Variants in SLC4A8 observed in about 807,000 individuals in gnomAD.
SLC4A8 encodes the protein solute carrier family 4 member 8.
SLC4A8 carries 40 observed loss-of-function variants against 125.0 expected under a neutral mutation model. The observed-to-expected ratio is 0.32, with a 90% CI of 0.25 to 0.42. The LOEUF (loss-of-function observed/expected upper bound fraction) is 0.42. Among genes scored for constraint, SLC4A8 ranks in the 10% least tolerant of loss-of-function variants. The pLI is 1.00. For missense variants in SLC4A8, 863 were observed against 1,355.1 expected (o/e 0.64, Z 5.70); for synonymous variants, 456 against 476.0 (o/e 0.96, Z 0.55).
intron 14 of SLC4A8, 119 bp downstream of exon 14, chr12:51,471,651 A>G (rs377085272): frequency 1.9e-5 from 21 of 1,133,494 alleles, no homozygotes; most frequent in East Asian, 1.7e-4. Flanking sequence ...CCCTTTAGGA[A>G]ACGGATCTCA....
intron 21 of SLC4A8, 87 bp from the exon 22 acceptor site, chr12:51,496,900 A>C: frequency 7.5e-7 from 1 of 1,325,192 alleles, no homozygotes; most frequent in Non-Finnish European, 1.1e-6. Context: ...GAAATGTCCT[A>C]GTCTGCTGTG....
chr12:51,499,319 G>A (rs921959541), intron 22 of SLC4A8, among the ~76,000 whole-genome samples: 1 of 151,968 alleles, frequency 6.6e-6, no homozygotes, highest in African/African-American at 2.4e-5. Context: ...TACACATACT[G>A]TACACACACA....
At chr12:51,394,397 A>T (rs1274532093) in intron 1 of SLC4A8, among the ~76,000 whole-genome samples, 1 of 152,228 alleles carries the variant, frequency 6.6e-6, no homozygotes, top group African/African-American at 2.4e-5. Flanking sequence ...TCATGCACTG[A>T]GCTGTTCTCT....
In SLC4A8 at chr12:51,501,523, A is replaced by G. The variant is rs1460330240; in HGVS notation, c.3082-2506A>G. Among the ~76,000 whole-genome samples, 2 of 152,222 alleles carry G rather than the reference A, an allele frequency of 1.3e-5. 1 individual carries two copies. Among genetic ancestry groups the G allele is most frequent in the South Asian group, 4.1e-4 (2 of 4,830 alleles). ...GTGGCTGCGTAGTATTCCATGGTGT[A>G]TACATACTACAGTTTCTTTATTCAA... On this transcript the variant is annotated intron_variant, in intron 22 of 24. Coordinates refer to ENST00000453097, the MANE Select transcript of SLC4A8 (RefSeq NM_001039960.3).
intron 1 of SLC4A8, among the ~76,000 whole-genome samples, chr12:51,431,213 G>A (rs757832050): frequency 6.6e-6 from 1 of 152,000 alleles, no homozygotes; most frequent in African/African-American, 2.4e-5. Flanking sequence ...TCTCTTTCAC[G>A]TTAAGGATCC....
intron 17 of SLC4A8, among the ~76,000 whole-genome samples, chr12:51,487,796 A>G (rs2138389614): frequency 6.6e-6 from 1 of 152,324 alleles, no homozygotes; most frequent in South Asian, 2.1e-4. Context: ...CTGTTTCACT[A>G]TTGATGGGAG....
At chr12:51,422,409 A>G (rs1261227554), upstream of SLC4A8, among the ~76,000 whole-genome samples, 1 of 152,068 alleles carries the variant, frequency 6.6e-6, no homozygotes, top group Non-Finnish European at 1.5e-5. Context: ...TCACTCTGTC[A>G]CCTCGGCTGG....
At chr12:51,483,346 C>T (rs1357198191) in intron 16 of SLC4A8, among the ~76,000 whole-genome samples, 1 of 134,778 alleles carries the variant, frequency 7.4e-6, no homozygotes. Flanking sequence ...AAAAGCTATT[C>T]TCACACACAA....
chr12:51,476,906 C>CTTTTTTTTT (rs67928969), intron 16 of SLC4A8, among the ~76,000 whole-genome samples: 1 of 118,540 alleles, frequency 8.4e-6, no homozygotes, highest in South Asian at 2.7e-4. Flanking sequence ...TTTTTCTTTT[C>CTTTTTTTTT]TTTTTTTTTT....
chr12:51,499,751 A>G (rs1358714002), intron 22 of SLC4A8, among the ~76,000 whole-genome samples: 2 of 152,180 alleles, frequency 1.3e-5, no homozygotes, highest in African/African-American at 4.8e-5. Flanking sequence ...CTGAGGAGAC[A>G]TCTGAGTAGA....
chr12:51,433,459 A>G (rs1949261674), intron 1 of SLC4A8, among the ~76,000 whole-genome samples: 1 of 152,110 alleles, frequency 6.6e-6, no homozygotes, highest in Admixed American at 6.5e-5. Flanking sequence ...TCAGGATTCT[A>G]ATCTTTTCTG....
At position 51,508,963 on chromosome 12, in the gene SLC4A8, A is replaced by T. The variant is rs1279232247; in HGVS notation, c.*1525A>T. The stretch of plus-strand genomic sequence containing the variant: ...AATGTATTCTAGTCTTACTCTAAAG[A>T]CCTTTGATGTTAAAGGAATCCTTCA... On this transcript the variant is annotated 3_prime_UTR_variant, in exon 25 of 25. Transcript: ENST00000453097. The T allele has an allele frequency of 6.6e-6, 1 of 152,628 alleles. No homozygotes were observed. The highest frequency in any genetic ancestry group is 1.9e-4 in the East Asian group (1 of 5,202). The allele number at this position is 152,628 out of a possible 1,614,324, so 9.5% of individuals were successfully genotyped here.
rs1392781331 is a variant in SLC4A8 at position 51,513,033 on chromosome 12, T to C, written c.*5595T>C. The C allele has an allele frequency of 1.3e-5, 2 of 152,260 alleles. No individual in the cohort carries two copies. The highest frequency in any genetic ancestry group is 3.9e-4 in the East Asian group (2 of 5,178). The allele number at this position is 152,260 out of a possible 1,614,324, so 9.4% of individuals were successfully genotyped here. A position where few individuals can be genotyped will look rare whatever the true frequency, so the allele number is the denominator to read the frequency against. On this transcript the variant is annotated 3_prime_UTR_variant, in exon 25 of 25. Coordinates refer to ENST00000453097, the MANE Select transcript of SLC4A8 (RefSeq NM_001039960.3). ...TGGCAGACCAATGCCCTGATAAGCT[T>C]GTGGTATAGAGGTAGGAAGGGAGGG...
At position 51,484,290 on chromosome 12, in the gene SLC4A8, T is replaced by G. The variant is rs192583625; in HGVS notation, c.2173-1497T>G. Among the ~76,000 whole-genome samples the G allele has an allele frequency of 3.3e-5, 5 of 152,334 alleles. No individual in the cohort carries two copies. In the East Asian group the frequency reaches 9.6e-4, roughly 29 times the overall value. On this transcript the variant is annotated intron_variant, in intron 16 of 24. Coordinates refer to ENST00000453097, the MANE Select transcript of SLC4A8 (RefSeq NM_001039960.3). ...AAGTGGCTGTTCTGTACTGACTACT[T>G]GCTCAGGCCTGGGTTAAGTGCTAGG...
chr12:51,444,876 C>T (rs543161230), intron 2 of SLC4A8, among the ~76,000 whole-genome samples: 2 of 152,282 alleles, frequency 1.3e-5, no homozygotes, highest in South Asian at 4.1e-4. Context: ...ATCACTGCCT[C>T]CTCAATTTCT....
intron 19 of SLC4A8, among the ~76,000 whole-genome samples, chr12:51,490,283 C>T (rs1211397164): frequency 2.0e-5 from 3 of 151,658 alleles, no homozygotes; most frequent in Non-Finnish European, 4.4e-5. Flanking sequence ...AGGCCAGGCG[C>T]GGTGGCTCAC....
At chr12:51,404,157 C>T (rs891868064) in intron 1 of SLC4A8, among the ~76,000 whole-genome samples, 11 of 152,148 alleles carry the variant, frequency 7.2e-5, no homozygotes, top group African/African-American at 2.7e-4. Context: ...AATAGGACAT[C>T]GGGAGCTACA....
chr12:51,430,653 G>A (rs7300910), intron 1 of SLC4A8, among the ~76,000 whole-genome samples: 140,820 of 152,112 alleles, frequency 0.93, 65,242 homozygotes, highest in Non-Finnish European at 0.95. Context: ...GGGACAATTC[G>A]GACTGCAAAT....
In SLC4A8 at chr12:51,504,132, A is replaced by G. The variant is rs1011277919; in HGVS notation, c.3173+12A>G. Reference sequence around the variant, plus strand: ...AACATCAGTTGCAGGTAAAACTTCCAAACACCAAGGAGTTTACTTTTGGGT... The same window carrying G: ...AACATCAGTTGCAGGTAAAACTTCCGAACACCAAGGAGTTTACTTTTGGGT... On this transcript the variant is annotated intron_variant, in intron 23 of 24. Coordinates refer to ENST00000453097, the MANE Select transcript of SLC4A8 (RefSeq NM_001039960.3). 3.4e-6 allele frequency: 5 copies of G among 1,482,820 alleles called. No individual in the cohort carries two copies. The highest frequency in any genetic ancestry group is 4.7e-5 in the East Asian group (2 of 42,198). 91.9% of individuals were successfully genotyped at this position (1,482,820 alleles called of 1,614,324 possible).
Sources: allele counts gnomAD v4.1 joint callset (sites outside exome capture counted in the v4.1 genomes callset), GRCh38; gene constraint gnomAD v4.1.1; transcripts MANE v1.5; gene names NCBI Gene and HGNC (gene_info 2026-07-23, HGNC 2026-07-21).